The following DCAF6 variants were observed in gnomAD, a reference collection of about 807,000 sequenced individuals.
DCAF6 encodes DDB1 and CUL4 associated factor 6.
A neutral mutation model predicts 125.1 loss-of-function variants in DCAF6; 54 were observed. The observed-to-expected ratio is 0.43, with a 90% CI of 0.35 to 0.54. The LOEUF (loss-of-function observed/expected upper bound fraction) is 0.54. DCAF6 is among the 20% of genes least tolerant of loss of function. The pLI is 0.01. For missense variants in DCAF6, 934 were observed against 1,161.7 expected (o/e 0.80, Z 2.85); for synonymous variants, 371 against 390.4 (o/e 0.95, Z 0.58).
chr1:167,876,071 A>G, the DCAF6 span, among the ~76,000 whole-genome samples: 4 of 152,196 alleles, frequency 2.6e-5, no homozygotes, highest in Non-Finnish European at 5.9e-5. Context: ...AGCCTGACCA[A>G]CATGGTGAAA....
chr1:168,015,233 A>G (rs1684805805), intron 10 of DCAF6, among the ~76,000 whole-genome samples: 1 of 152,188 alleles, frequency 6.6e-6, no homozygotes, highest in African/African-American at 2.4e-5. Context: ...ATCTTTTTGA[A>G]CTTAAAAAAT....
chr1:167,992,648 T>C (rs1023116731), intron 6 of DCAF6, among the ~76,000 whole-genome samples: 1 of 152,228 alleles, frequency 6.6e-6, no homozygotes, highest in African/African-American at 2.4e-5. Flanking sequence ...GAATTTAGCA[T>C]TCCTGGGCCC....
intron 12 of DCAF6, among the ~76,000 whole-genome samples, chr1:168,036,132 C>T (rs992901876): frequency 1.3e-5 from 2 of 152,144 alleles, no homozygotes; most frequent in Non-Finnish European, 2.9e-5. Flanking sequence ...TTTTAATTAT[C>T]ATTAACCATC....
chr1:167,881,143 A>G, the DCAF6 span, among the ~76,000 whole-genome samples: 167 of 152,374 alleles, frequency 1.1e-3, no homozygotes, highest in African/African-American at 3.8e-3. Flanking sequence ...ATCCTAAACT[A>G]TAAAGTACTT....
chr1:168,068,239 G>A (rs571523826), intron 20 of DCAF6, 119 bp from the exon 21 acceptor site: 7 of 575,252 alleles, frequency 1.2e-5, no homozygotes, highest in Middle Eastern at 2.7e-4. Flanking sequence ...GACATCAGAC[G>A]CATAAAGAAT....
At chr1:167,963,524 T>G (rs1201671159) in intron 2 of DCAF6, among the ~76,000 whole-genome samples, 1 of 149,544 alleles carries the variant, frequency 6.7e-6, no homozygotes, top group African/African-American at 2.4e-5. Flanking sequence ...CACTGCTACC[T>G]CCGCCTCCCA....
At chr1:168,057,139 A>T (rs530204441) in intron 17 of DCAF6, among the ~76,000 whole-genome samples, 68 of 152,304 alleles carry the variant, frequency 4.5e-4, no homozygotes, top group Non-Finnish European at 6.9e-4. Context: ...TATTTTAATA[A>T]TACCTATAAT....
chr1:167,980,916 C>CTTTTTTTTTTTTTTTTTTTTT, intron 4 of DCAF6, among the ~76,000 whole-genome samples: 1 of 113,570 alleles, frequency 8.8e-6, no homozygotes, highest in Non-Finnish European at 1.8e-5. Flanking sequence ...TCTGAATTTT[C>CTTTTTTTTTTTTTTTTTTTTT]TTTTTTTTTT....
At chr1:167,985,592 AT>A (rs998639560) in intron 4 of DCAF6, among the ~76,000 whole-genome samples, 5 of 152,144 alleles carry the variant, frequency 3.3e-5, no homozygotes, top group Admixed American at 2.6e-4. Flanking sequence ...TATGGTCAAA[AT>A]CCTTAATTAA....
At chr1:167,971,635 T>G (rs1677320905) in intron 3 of DCAF6, among the ~76,000 whole-genome samples, 1 of 152,296 alleles carries the variant, frequency 6.6e-6, no homozygotes, top group East Asian at 1.9e-4. Context: ...CAAAATAAAC[T>G]GGTAATCAGC....
At chr1:168,008,896 C>G (rs1557969673) in intron 10 of DCAF6, among the ~76,000 whole-genome samples, 1 of 133,294 alleles carries the variant, frequency 7.5e-6, no homozygotes, top group African/African-American at 2.7e-5. Context: ...TCCCCTCCCC[C>G]CTCCCTCCCT....
chr1:168,075,254 C>T, intron 21 of DCAF6, 117 bp from the exon 22 acceptor site: 1 of 873,650 alleles, frequency 1.1e-6, no homozygotes, highest in Non-Finnish European at 1.7e-6. Flanking sequence ...CTAAAGACAT[C>T]CACACATAGT....
At chr1:167,871,703 A>G in the DCAF6 span, among the ~76,000 whole-genome samples, 1 of 152,270 alleles carries the variant, frequency 6.6e-6, no homozygotes, top group East Asian at 1.9e-4. Flanking sequence ...TTGAAGGACC[A>G]TTAATTCAAG....
At chr1:167,872,110 G>C in the DCAF6 span, among the ~76,000 whole-genome samples, 1 of 152,168 alleles carries the variant, frequency 6.6e-6, no homozygotes. Flanking sequence ...GGGAGGCCGA[G>C]GCGGGTGGAT....
chr1:167,960,741 A>G lies in DCAF6; in HGVS notation c.160-5888A>G, dbSNP rs113679621. 2.9e-3 allele frequency among the ~76,000 whole-genome samples: 447 copies of G among 152,208 alleles called. 1 individual carries two copies. The highest frequency in any genetic ancestry group is 0.01 in the African/African-American group (425 of 41,542). On this transcript the variant is annotated intron_variant, in intron 2 of 21. Transcript: ENST00000367840. ...TGTTAAAGTGTATTTTAAGGCCTCA[A>G]ATATGGTCTGTCTTGGTAAATGTTC... is the stretch of plus-strand genomic sequence containing the variant.
In DCAF6 at chr1:167,987,528, C is replaced by T; in HGVS notation, c.472C>T (p.Leu158Phe). Residue 158 changes from leucine to phenylalanine, a missense_variant, in exon 5 of 22, where the codon CTC becomes TTC. Leu to Phe is a conservative substitution (Grantham distance 22). Around this residue, in one of 5 missense-constraint regions of DCAF6, gnomAD observed 309 missense variants for 381.2 expected, o/e 0.81. Transcript: ENST00000367840. ...TGTACCCAATGACCCTTACACTTTT[C>T]TCTCTTGTGGTGAAGATGGAACTGT... ...MTVPNDPYTF[L>F]SCGEDGTVRW... 1 of 1,604,266 alleles carries T rather than the reference C, an allele frequency of 6.2e-7. No homozygotes were observed. Among genetic ancestry groups the T allele is most frequent in the Non-Finnish European group, 8.5e-7 (1 of 1,173,174 alleles).
the DCAF6 span, chr1:167,924,297 T>G: frequency 2.4e-6 from 1 of 408,754 alleles, no homozygotes; most frequent in African/African-American, 2.1e-5. Flanking sequence ...GAAGGCCTCT[T>G]ATCTAAAGAG....
the DCAF6 span, among the ~76,000 whole-genome samples, chr1:167,909,349 C>T: frequency 6.6e-6 from 1 of 152,168 alleles, no homozygotes; most frequent in Admixed American, 6.5e-5. Flanking sequence ...CATTCTTATT[C>T]ATGTGTTTTG....
At chr1:167,990,766 T>C (rs189660291) in intron 5 of DCAF6, among the ~76,000 whole-genome samples, 1 of 152,356 alleles carries the variant, frequency 6.6e-6, no homozygotes, top group East Asian at 1.9e-4. Flanking sequence ...AAGTAATTTT[T>C]ATTTTTTCCT....
Sources: gnomAD v4.1 joint callset for allele counts (sites outside exome capture counted in the v4.1 genomes callset) on GRCh38, gnomAD v4.1.1 for gene constraint, gnomAD v4.1.1 regional missense constraint, MANE v1.5 for transcripts, NCBI Gene and HGNC (gene_info 2026-07-23, HGNC 2026-07-21) for gene names.